Variants in TRIM5 observed in about 807,000 individuals in gnomAD.
TRIM5 encodes tripartite motif-containing protein 5.
Under a neutral mutation model 35.6 loss-of-function variants are expected in TRIM5, and 31 were observed. That is an observed-to-expected ratio of 0.87 (90% CI 0.65 to 1.18). TRIM5 has a LOEUF of 1.18. Among genes scored for constraint, TRIM5 ranks in the 50% most tolerant of loss-of-function variants. The pLI is 0.00. For synonymous variants in TRIM5, 243 were observed against 215.6 expected (o/e 1.13, Z -1.11); for missense variants, 609 against 591.6 (o/e 1.03, Z -0.31).
the TRIM5 span, among the ~76,000 whole-genome samples, chr11:5,615,923 A>G: frequency 3.8e-5 from 5 of 132,956 alleles, no homozygotes; most frequent in African/African-American, 1.4e-4. Flanking sequence ...TTTTCATAAC[A>G]TATCTTTTCA....
chr11:5,610,283 T>C, the TRIM5 span: 1 of 1,613,348 alleles, frequency 6.2e-7, no homozygotes, highest in Non-Finnish European at 8.5e-7. Flanking sequence ...GATGTGAAAT[T>C]ACTGTCGTGG....
chr11:5,668,844 G>A (rs903272455), intron 4 of TRIM5, among the ~76,000 whole-genome samples: 1 of 152,136 alleles, frequency 6.6e-6, no homozygotes, highest in Non-Finnish European at 1.5e-5. Context: ...ATGTGCAACT[G>A]ATTTCCAATT....
chr11:5,682,029 C>T (rs1852506835), intron 1 of TRIM5, among the ~76,000 whole-genome samples: 1 of 152,102 alleles, frequency 6.6e-6, no homozygotes, highest in Non-Finnish European at 1.5e-5. Flanking sequence ...CAACTCCTGA[C>T]CTTGTGATCC....
At chr11:5,629,034 T>G in the TRIM5 span, among the ~76,000 whole-genome samples, 5 of 152,126 alleles carry the variant, frequency 3.3e-5, no homozygotes, top group Non-Finnish European at 7.4e-5. Context: ...CCCAGCACTT[T>G]GGGAGGCCGA....
chr11:5,623,381 T>A, the TRIM5 span, among the ~76,000 whole-genome samples: 1 of 152,036 alleles, frequency 6.6e-6, no homozygotes, highest in Non-Finnish European at 1.5e-5. Context: ...ATTTTTTTAT[T>A]TTTTGAGACA....
At chr11:5,610,898 C>T in the TRIM5 span, 1 of 1,614,210 alleles carries the variant, frequency 6.2e-7, no homozygotes, top group Non-Finnish European at 8.5e-7. Flanking sequence ...AGCATTATGA[C>T]TGTAGTGTCC....
intron 4 of TRIM5, among the ~76,000 whole-genome samples, chr11:5,670,785 C>CT (rs67520523): frequency 0.3 from 45,021 of 151,578 alleles, 8,421 homozygotes; most frequent in African/African-American, 0.53. Context: ...CATGGACACA[C>CT]AGGACAAAGC....
the TRIM5 span, among the ~76,000 whole-genome samples, chr11:5,614,188 TACTA>T: frequency 1.3e-5 from 2 of 152,282 alleles, no homozygotes; most frequent in South Asian, 4.1e-4. Context: ...ATGGATCAAA[TACTA>T]AAGAAATGTA....
chr11:5,634,637 G>A, the TRIM5 span: 7 of 1,612,068 alleles, frequency 4.3e-6, no homozygotes, highest in African/African-American at 4.0e-5. Flanking sequence ...GCAGTATCAG[G>A]TACAAACTGA....
the TRIM5 span, among the ~76,000 whole-genome samples, chr11:5,597,311 C>A: frequency 1.3e-5 from 2 of 152,098 alleles, no homozygotes; most frequent in African/African-American, 4.8e-5. Context: ...CTGCCTGACA[C>A]AAATTATGGT....
At chr11:5,594,625 G>A in the TRIM5 span, among the ~76,000 whole-genome samples, 1 of 151,498 alleles carries the variant, frequency 6.6e-6, no homozygotes, top group Non-Finnish European at 1.5e-5. Flanking sequence ...TTTTTTAACT[G>A]AGCCTACTAG....
chr11:5,619,437 A>G, the TRIM5 span, among the ~76,000 whole-genome samples: 1 of 151,050 alleles, frequency 6.6e-6, no homozygotes, highest in Non-Finnish European at 1.5e-5. Flanking sequence ...TGCTCTGAAC[A>G]TATTTCAGAA....
the TRIM5 span, among the ~76,000 whole-genome samples, chr11:5,653,499 T>TG: frequency 1.3e-5 from 2 of 150,864 alleles, no homozygotes; most frequent in East Asian, 3.9e-4. Context: ...TTTTTTTGTT[T>TG]TTTTTTTTTT....
the TRIM5 span, among the ~76,000 whole-genome samples, chr11:5,614,324 A>G: frequency 9.8e-5 from 15 of 152,344 alleles, no homozygotes; most frequent in African/African-American, 3.6e-4. Context: ...GTACCCCAGA[A>G]TGGTAACAGC....
At chr11:5,659,975 C>A (rs1405958333), downstream of TRIM5, among the ~76,000 whole-genome samples, 1 of 151,938 alleles carries the variant, frequency 6.6e-6, no homozygotes, top group Admixed American at 6.6e-5. Context: ...ATGGCAGGCA[C>A]AAATCATTCT....
chr11:5,621,069 C>T, the TRIM5 span, among the ~76,000 whole-genome samples: 1 of 152,188 alleles, frequency 6.6e-6, no homozygotes, highest in Admixed American at 6.5e-5. Flanking sequence ...TGTAGACACA[C>T]ATTCCTATCT....
At chr11:5,654,681 C>T in the TRIM5 span, among the ~76,000 whole-genome samples, 15 of 151,984 alleles carry the variant, frequency 9.9e-5, no homozygotes, top group African/African-American at 3.4e-4. Context: ...AAACACTATG[C>T]GGCACAGGAA....
the TRIM5 span, among the ~76,000 whole-genome samples, chr11:5,613,127 C>T: frequency 6.6e-6 from 1 of 152,240 alleles, no homozygotes; most frequent in African/African-American, 2.4e-5. Context: ...GGTTTCAAGG[C>T]ACATATGTTT....
At chr11:5,655,500 T>C in the TRIM5 span, among the ~76,000 whole-genome samples, 1 of 152,214 alleles carries the variant, frequency 6.6e-6, no homozygotes, top group South Asian at 2.1e-4. Flanking sequence ...AAGGATTTTA[T>C]AAGCCAGGAT....
Sources: allele counts gnomAD v4.1 joint callset (sites outside exome capture counted in the v4.1 genomes callset), GRCh38; gene constraint gnomAD v4.1.1; transcripts MANE v1.5; gene names NCBI Gene and HGNC (gene_info 2026-07-23, HGNC 2026-07-21).